RXRA: variants seen among roughly 807,000 people sequenced by gnomAD.
RXRA encodes retinoic acid receptor RXR-alpha.
A neutral mutation model predicts 44.5 loss-of-function variants in RXRA; 5 were observed. The ratio of observed to expected loss-of-function variants is 0.11; its 90% confidence interval spans 0.06 to 0.24. The LOEUF is 0.24. Among genes scored for constraint, RXRA ranks in the 10% least tolerant of loss-of-function variants. The probability of loss-of-function intolerance (pLI) is 1.00; values close to 1 mark genes in which losing one functional copy is unlikely to be tolerated. For synonymous variants in RXRA, 291 were observed against 271.4 expected (o/e 1.07, Z -0.71); for missense variants, 412 against 646.5 (o/e 0.64, Z 3.93).
chr9:134,345,997 C>T lies in RXRA; in HGVS notation c.28+19338C>T, dbSNP rs565512413. Among the ~76,000 whole-genome samples the T allele has an allele frequency of 9.9e-5, 15 of 152,152 alleles. No individual in the cohort carries two copies. The East Asian group carries it at 2.7e-3, about 27-fold the overall frequency. ...TGTTTCCTGATACATGTGCGTCTTACGGTGTTCATATAGGGACAGTTGAGA... is the reference window on the plus strand; with the variant it reads ...TGTTTCCTGATACATGTGCGTCTTATGGTGTTCATATAGGGACAGTTGAGA... On this transcript the variant is annotated intron_variant, in intron 1 of 9. Transcript: ENST00000481739.
intron 1 of RXRA, among the ~76,000 whole-genome samples, chr9:134,375,103 G>C (rs1247529273): frequency 1.3e-5 from 2 of 152,214 alleles, no homozygotes; most frequent in Non-Finnish European, 2.9e-5. Flanking sequence ...ACTCTGGGAA[G>C]GCTTCCTGGA....
chr9:134,386,113 C>T (rs570501410), intron 1 of RXRA, among the ~76,000 whole-genome samples: 9 of 152,326 alleles, frequency 5.9e-5, no homozygotes, highest in South Asian at 2.1e-4. Context: ...ACTGGGCCGC[C>T]GGGCCAGCAT....
At chr9:134,367,471 C>T (rs988217271) in intron 1 of RXRA, among the ~76,000 whole-genome samples, 2 of 152,234 alleles carry the variant, frequency 1.3e-5, no homozygotes, top group African/African-American at 2.4e-5. Flanking sequence ...CGTGCCAGGG[C>T]CCGCTGTGTG....
At chr9:134,341,245 G>A (rs1381273065) in intron 1 of RXRA, among the ~76,000 whole-genome samples, 10 of 152,236 alleles carry the variant, frequency 6.6e-5, no homozygotes, top group Admixed American at 6.5e-4. Context: ...TACAGATAGG[G>A]GCTCAGCTGC....
At chr9:134,373,798 T>G (rs1274392909) in intron 1 of RXRA, among the ~76,000 whole-genome samples, 1 of 152,262 alleles carries the variant, frequency 6.6e-6, no homozygotes, top group Non-Finnish European at 1.5e-5. Context: ...CTGGACTGGG[T>G]GCCCCTGGGC....
At chr9:134,351,701 G>T (rs987993974) in intron 1 of RXRA, among the ~76,000 whole-genome samples, 17 of 152,246 alleles carry the variant, frequency 1.1e-4, no homozygotes, top group African/African-American at 4.1e-4. Context: ...TTAAAATGCC[G>T]TTCTGCGGCC....
At chr9:134,384,580 G>T (rs752722439) in intron 1 of RXRA, among the ~76,000 whole-genome samples, 1 of 152,180 alleles carries the variant, frequency 6.6e-6, no homozygotes. Context: ...AGCCGGTGGA[G>T]CTGTGGGTGC....
chr9:134,391,968 G>A (rs2119123694), intron 1 of RXRA, among the ~76,000 whole-genome samples: 1 of 152,378 alleles, frequency 6.6e-6, no homozygotes, highest in East Asian at 1.9e-4. Context: ...GGCCTGGCGT[G>A]CACCTGCAGT....
At chr9:134,434,864 G>A (rs1028107974) in intron 9 of RXRA, among the ~76,000 whole-genome samples, 2 of 151,448 alleles carry the variant, frequency 1.3e-5, no homozygotes, top group African/African-American at 4.9e-5. Flanking sequence ...TGTGGGGCGG[G>A]GAGGGGGTCG....
rs1428619606 is a variant in RXRA at position 134,366,877 on chromosome 9, GAA to G, written c.29-34753_29-34752del. ...GACACATCCCAGTCGGAACGTGGTG[GAA>G]AGGCGCCAGGCAGGCTGAGTCGGAG... On this transcript the variant is annotated intron_variant, in intron 1 of 9. Coordinates refer to ENST00000481739, the MANE Select transcript of RXRA (RefSeq NM_002957.6). The surrounding 1 kb of genome is among the most constrained non-coding windows in gnomAD (Gnocchi z 5.9). Among the ~76,000 whole-genome samples the G allele has an allele frequency of 6.6e-6, 1 of 152,176 alleles. No homozygotes were observed. Among genetic ancestry groups the G allele is most frequent in the East Asian group, 1.9e-4 (1 of 5,178 alleles).
At chr9:134,431,489 T>C (rs1831531564) in intron 7 of RXRA, among the ~76,000 whole-genome samples, 1 of 152,178 alleles carries the variant, frequency 6.6e-6, no homozygotes, top group Non-Finnish European at 1.5e-5. Context: ...GGAAGGGGCT[T>C]TGCCTCAGGT....
At chr9:134,384,967 C>T (rs781563752) in intron 1 of RXRA, among the ~76,000 whole-genome samples, 1 of 152,198 alleles carries the variant, frequency 6.6e-6, no homozygotes, top group East Asian at 1.9e-4. Flanking sequence ...GACATCTTGG[C>T]GGCCTGTCCC....
At chr9:134,394,910 T>C (rs1830856160) in intron 1 of RXRA, among the ~76,000 whole-genome samples, 1 of 152,164 alleles carries the variant, frequency 6.6e-6, no homozygotes, top group African/African-American at 2.4e-5. Flanking sequence ...GGTGAGCGGA[T>C]AGGGAGTCAA....
At chr9:134,424,248 A>G (rs1831396978) in intron 6 of RXRA, 33 of 985,420 alleles carry the variant, frequency 3.3e-5, no homozygotes, top group Non-Finnish European at 4.0e-5. Context: ...CCCTTAGCCC[A>G]GAGCCCTGGT....
rs963080849 is a variant in RXRA at position 134,342,638 on chromosome 9, G to A, written c.28+15979G>A. Among the ~76,000 whole-genome samples the A allele has an allele frequency of 6.6e-6, 1 of 152,160 alleles. No individual in the cohort carries two copies. The highest frequency in any genetic ancestry group is 2.4e-5 in the African/African-American group (1 of 41,440). ...GAGCCCAGGCAGGTGGTGGGGCTGC[G>A]GGGCTGCGGGAGGAGGCCCCTGTGG... is the stretch of plus-strand genomic sequence containing the variant. On this transcript the variant is annotated intron_variant, in intron 1 of 9. Transcript: ENST00000481739. The surrounding 1 kb of genome is among the most constrained non-coding windows in gnomAD (Gnocchi z 4.4).
chr9:134,416,902 C>T (rs192685749), intron 4 of RXRA, among the ~76,000 whole-genome samples: 1 of 152,326 alleles, frequency 6.6e-6, no homozygotes, highest in Admixed American at 6.5e-5. Flanking sequence ...TGCACTGTCT[C>T]CTTCCAGGCC....
At chr9:134,334,891 G>A (rs1320642839) in intron 1 of RXRA, among the ~76,000 whole-genome samples, 1 of 152,228 alleles carries the variant, frequency 6.6e-6, no homozygotes, top group Non-Finnish European at 1.5e-5. Context: ...GATGTGGACT[G>A]GGCATGTTGT....
At chr9:134,354,712 T>G (rs1407147705) in intron 1 of RXRA, among the ~76,000 whole-genome samples, 1 of 152,220 alleles carries the variant, frequency 6.6e-6, no homozygotes, top group Non-Finnish European at 1.5e-5. Flanking sequence ...GCCTTCGCTG[T>G]AAGACTGAAA....
In RXRA at chr9:134,400,472, G is replaced by A. The variant is rs564545260; in HGVS notation, c.29-1160G>A. Among the ~76,000 whole-genome samples, 15 of 152,356 alleles carry A rather than the reference G, an allele frequency of 9.8e-5. No homozygotes were observed. In the East Asian group the frequency reaches 2.5e-3, roughly 25 times the overall value. On this transcript the variant is annotated intron_variant, in intron 1 of 9. Transcript: ENST00000481739. The stretch of plus-strand genomic sequence containing the variant: ...GCCATTCTGCAGATGGGAAGGCTGA[G>A]GCCCAGAGAGGGAGAGTGGCTTGCC...
Sources: gnomAD v4.1 joint callset for allele counts (sites outside exome capture counted in the v4.1 genomes callset) on GRCh38, gnomAD v4.1.1 for gene constraint, Gnocchi (gnomAD v3.1) non-coding constraint, MANE v1.5 for transcripts, NCBI Gene and HGNC (gene_info 2026-07-23, HGNC 2026-07-21) for gene names.